GPR89B: variants seen among roughly 807,000 people sequenced by gnomAD.
The protein encoded by GPR89B is golgi pH regulator B.
Under a neutral mutation model 52.4 loss-of-function variants are expected in GPR89B, and 25 were observed. The ratio of observed to expected loss-of-function variants is 0.48; its 90% CI spans 0.35 to 0.67. The LOEUF is 0.67. GPR89B is among the 30% of genes least tolerant of loss of function. The pLI, the probability that GPR89B is intolerant of heterozygous loss-of-function variation, is 0.01. For missense variants in GPR89B, 146 were observed against 450.2 expected, an observed-to-expected ratio of 0.32 and a Z score of 6.11; for synonymous variants, 52 against 151.2, an observed-to-expected ratio of 0.34 and a Z score of 4.81.
chr1:148,023,556 T>TC, the GPR89B span, among the ~76,000 whole-genome samples: 1 of 137,122 alleles, frequency 7.3e-6, no homozygotes, highest in African/African-American at 2.8e-5. Flanking sequence ...TTACATTCAC[T>TC]CCAAGTGTTT....
chr1:147,950,852 A>G (rs1655619867), intron 5 of GPR89B, among the ~76,000 whole-genome samples: 12 of 152,178 alleles, frequency 7.9e-5, no homozygotes, highest in Admixed American at 7.9e-4. Context: ...AGAATCAGGC[A>G]GGGAGGCTGC....
intron 5 of GPR89B, among the ~76,000 whole-genome samples, chr1:147,945,105 A>C (rs2149046013): frequency 7.6e-6 from 1 of 130,996 alleles, no homozygotes; most frequent in Middle Eastern, 3.5e-3. Flanking sequence ...CCACAATACT[A>C]AACTAGAAAA....
chr1:148,023,919 T>G, the GPR89B span, among the ~76,000 whole-genome samples: 4 of 147,226 alleles, frequency 2.7e-5, no homozygotes, highest in Middle Eastern at 3.5e-3. Flanking sequence ...TTTCTTTTAC[T>G]GTGCAGAAGC....
chr1:147,971,783 A>G (rs1398877421), intron 10 of GPR89B, among the ~76,000 whole-genome samples: 2 of 151,954 alleles, frequency 1.3e-5, no homozygotes, highest in South Asian at 2.1e-4. Flanking sequence ...CCCAGCCAGC[A>G]TGTCATTTTT....
chr1:147,970,186 G>T (rs1277490102), intron 10 of GPR89B, among the ~76,000 whole-genome samples: 1 of 151,804 alleles, frequency 6.6e-6, no homozygotes, highest in Non-Finnish European at 1.5e-5. Flanking sequence ...TGTTAATAAG[G>T]CCTTAGTTTA....
chr1:147,985,843 A>T (rs1160741276), intron 10 of GPR89B, among the ~76,000 whole-genome samples: 17 of 152,216 alleles, frequency 1.1e-4, no homozygotes, highest in African/African-American at 4.1e-4. Flanking sequence ...CTGTTAGAGC[A>T]TTCAGAAAAT....
intron 10 of GPR89B, among the ~76,000 whole-genome samples, chr1:147,975,270 C>G (rs1477222155): frequency 1.5e-5 from 2 of 137,406 alleles, no homozygotes; most frequent in Admixed American, 7.6e-5. Context: ...CTTTTTACCT[C>G]TGAATTCAGC....
At chr1:147,946,339 C>T (rs587676695) in intron 5 of GPR89B, among the ~76,000 whole-genome samples, 1 of 152,170 alleles carries the variant, frequency 6.6e-6, no homozygotes, top group African/African-American at 2.4e-5. Context: ...GTGTTTAATA[C>T]GTGTTCTTTG....
intron 10 of GPR89B, among the ~76,000 whole-genome samples, chr1:147,983,765 G>A (rs1658444987): frequency 6.6e-6 from 1 of 151,964 alleles, no homozygotes; most frequent in African/African-American, 2.4e-5. Context: ...GGAAGTCAGT[G>A]TGGCGATTCT....
chr1:148,019,285 C>T, the GPR89B span, among the ~76,000 whole-genome samples: 1 of 151,400 alleles, frequency 6.6e-6, no homozygotes, highest in African/African-American at 2.4e-5. Flanking sequence ...AAAAGCAGTG[C>T]ACATTATCTT....
intron 11 of GPR89B, among the ~76,000 whole-genome samples, chr1:147,987,292 G>A (rs1345758671): frequency 6.6e-6 from 1 of 152,166 alleles, no homozygotes; most frequent in Admixed American, 6.5e-5. Context: ...GAGAGGCCGA[G>A]ACAGATCACT....
intron 1 of GPR89B, among the ~76,000 whole-genome samples, chr1:147,929,720 T>A (rs1653375128): frequency 2.0e-5 from 3 of 152,204 alleles, no homozygotes; most frequent in Admixed American, 2.0e-4. Flanking sequence ...CTTCAAAAAC[T>A]TGTTTACAAT....
Position 147,949,978 on chromosome 1 carries a change from C to T in GPR89B, c.416-3367C>T, listed in dbSNP as rs1362477402. ...TGCGGCTGGCCGGGTGTGGGGCTGA[C>T]CCCCCCACCTCCCTCCCGGACGGGG... On this transcript the variant is annotated intron_variant, in intron 5 of 13. Coordinates refer to ENST00000314163, the MANE Select transcript of GPR89B (RefSeq NM_016334.5). Among the ~76,000 whole-genome samples the T allele has an allele frequency of 3.6e-5, 5 of 140,238 alleles. No individual in the cohort carries two copies. In the East Asian group the frequency reaches 9.0e-4, roughly 25 times the overall value. The allele number at this position is 140,238 out of a possible 152,430, so 92.0% of individuals were successfully genotyped here.
intron 10 of GPR89B, among the ~76,000 whole-genome samples, chr1:147,972,577 A>G (rs1340759474): frequency 1.3e-5 from 2 of 151,928 alleles, no homozygotes; most frequent in Non-Finnish European, 2.9e-5. Context: ...ATGTCTAATG[A>G]TATTGAGCAT....
the GPR89B span, among the ~76,000 whole-genome samples, chr1:148,015,610 G>A: frequency 1.4e-5 from 2 of 147,262 alleles, no homozygotes; most frequent in African/African-American, 5.0e-5. Flanking sequence ...CACCGCGCCC[G>A]GCCTTCTCTC....
intron 3 of GPR89B, among the ~76,000 whole-genome samples, chr1:147,939,801 G>C (rs1434094515): frequency 1.3e-5 from 2 of 151,318 alleles, no homozygotes; most frequent in Admixed American, 6.6e-5. Flanking sequence ...GGTTCAAGAC[G>C]AGCCTGGGCA....
At chr1:147,950,327 T>C (rs1173117770) in intron 5 of GPR89B, among the ~76,000 whole-genome samples, 1 of 136,996 alleles carries the variant, frequency 7.3e-6, no homozygotes, top group Non-Finnish European at 1.6e-5. Flanking sequence ...CCCCACATCT[T>C]AGACGATGGG....
At chr1:147,950,346 C>T (rs1655543146) in intron 5 of GPR89B, among the ~76,000 whole-genome samples, 1 of 150,756 alleles carries the variant, frequency 6.6e-6, no homozygotes. Flanking sequence ...GGCGGCCGGG[C>T]AGAGACGCTC....
chr1:148,002,727 C>T, the GPR89B span, among the ~76,000 whole-genome samples: 2 of 152,244 alleles, frequency 1.3e-5, no homozygotes, highest in Non-Finnish European at 2.9e-5. Context: ...ATAGAAGTAC[C>T]CTTGTCACTT....
Sources: allele counts gnomAD v4.1 joint callset (sites outside exome capture counted in the v4.1 genomes callset), GRCh38; gene constraint gnomAD v4.1.1; transcripts MANE v1.5; gene names NCBI Gene and HGNC (gene_info 2026-07-23, HGNC 2026-07-21).